ELOVL4: variants seen among roughly 807,000 people sequenced by gnomAD.
The protein encoded by ELOVL4 is ELOVL fatty acid elongase 4.
ELOVL4 carries 18 observed loss-of-function variants against 42.1 expected under a neutral mutation model. The ratio of observed to expected loss-of-function variants is 0.43; its 90% CI spans 0.30 to 0.63. The LOEUF is 0.63. Ranked by LOEUF, ELOVL4 falls within the 30% of genes least tolerant of loss-of-function variation. The pLI is 0.15. For missense variants in ELOVL4, 299 were observed against 376.2 expected (o/e 0.79, Z 1.70); for synonymous variants, 117 against 127.0 (o/e 0.92, Z 0.53).
At chr6:79,924,433 A>G (rs1020058087) in intron 3 of ELOVL4, among the ~76,000 whole-genome samples, 1 of 152,206 alleles carries the variant, frequency 6.6e-6, no homozygotes, top group South Asian at 2.1e-4. Flanking sequence ...CTCATGCTGC[A>G]AAATAAAAAA....
In ELOVL4 at chr6:79,916,702, T is replaced by C. The variant is rs2127697581; in HGVS notation, c.851A>G (p.Asn284Ser). The change falls in exon 6 of 6, where the codon AAT (asparagine) becomes AGT (serine). Residue 284 changes from asparagine (N) to serine (S), a missense_variant. Physicochemically the swap from Asn to Ser is conservative, Grantham distance 46 (BLOSUM62 1). Transcript: ENST00000369816. ...GCTCACACCATTTGCTGAAATACCA[T>C]TCATGGCTGTTTTTCCAGCTTTTGG... ...KKPKAGKTAM[N>S]GISANGVSKS... 6.2e-7 allele frequency: 1 copy of C among 1,614,192 alleles called. No individual in the cohort carries two copies. Among genetic ancestry groups the C allele is most frequent in the Admixed American group, 1.7e-5 (1 of 60,012 alleles).
At chr6:79,926,093 A>C in intron 2 of ELOVL4, 101 bp downstream of exon 2, 1 of 1,051,832 alleles carries the variant, frequency 9.5e-7, no homozygotes, top group East Asian at 2.6e-5. Flanking sequence ...AGTAGCTAAC[A>C]GTTATGTCTG....
intron 1 of ELOVL4, among the ~76,000 whole-genome samples, chr6:79,943,465 A>C (rs564023531): frequency 9.8e-5 from 15 of 152,292 alleles, no homozygotes; most frequent in African/African-American, 3.4e-4. Context: ...TCAAGGGTAG[A>C]GGGAAGTAAA....
rs1422602191 is a variant in ELOVL4 at position 79,916,500 on chromosome 6, G to C, written c.*108C>G. 4 of 1,309,886 alleles carry C rather than the reference G, an allele frequency of 3.1e-6. No individual in the cohort carries two copies. In the African/African-American group the frequency reaches 5.8e-5, roughly 19 times the overall value. The allele number at this position is 1,309,886 out of a possible 1,614,324, so 81.1% of individuals were successfully genotyped here. ...AGTTACTAGGACATAGAGCACATTTGTCTTTTCTCCCCACCCCCAAGCTCT... is the reference window on the plus strand; with the variant it reads ...AGTTACTAGGACATAGAGCACATTTCTCTTTTCTCCCCACCCCCAAGCTCT... On this transcript the variant is annotated 3_prime_UTR_variant, in exon 6 of 6. Coordinates refer to ENST00000369816, the MANE Select transcript of ELOVL4 (RefSeq NM_022726.4).
intron 1 of ELOVL4, among the ~76,000 whole-genome samples, chr6:79,931,657 C>T (rs1034191549): frequency 1.3e-5 from 2 of 152,098 alleles, no homozygotes; most frequent in African/African-American, 2.4e-5. Context: ...ATCATGAATG[C>T]TTCAAAGCCA....
At chr6:79,942,034 G>C (rs983146736) in intron 1 of ELOVL4, among the ~76,000 whole-genome samples, 7 of 152,226 alleles carry the variant, frequency 4.6e-5, no homozygotes, top group Admixed American at 4.6e-4. Flanking sequence ...CTTTGCAAAG[G>C]AGGACTATTG....
Position 79,926,405 on chromosome 6 carries a change from A to G in ELOVL4, c.101-24T>C, listed in dbSNP as rs144198896. 2.3e-3 allele frequency: 3,723 copies of G among 1,598,572 alleles called. 19 individuals are homozygous for G. Among genetic ancestry groups the G allele is most frequent in the East Asian group, 0.016 (721 of 44,582 alleles). On this transcript the variant is annotated intron_variant, in intron 1 of 5. Coordinates refer to ENST00000369816, the MANE Select transcript of ELOVL4 (RefSeq NM_022726.4). Reference sequence around the variant, plus strand: ...ATCTATAGAGAGAACAAAATACCATAAAATTCATTAATCAGTAAATGTTTT... The same window carrying G: ...ATCTATAGAGAGAACAAAATACCATGAAATTCATTAATCAGTAAATGTTTT...
At chr6:79,918,881 A>C (rs1774202931) in intron 5 of ELOVL4, among the ~76,000 whole-genome samples, 2 of 152,222 alleles carry the variant, frequency 1.3e-5, no homozygotes, top group African/African-American at 2.4e-5. Flanking sequence ...AGTGTTTTAG[A>C]GAATTACAAG....
chr6:79,944,069 C>T (rs778036348), intron 1 of ELOVL4, among the ~76,000 whole-genome samples: 1 of 152,086 alleles, frequency 6.6e-6, no homozygotes, highest in Admixed American at 6.5e-5. Flanking sequence ...CTGGCTTTAC[C>T]GTAAGCATCC....
At chr6:79,917,964 T>C (rs1359153361) in intron 5 of ELOVL4, among the ~76,000 whole-genome samples, 2 of 152,150 alleles carry the variant, frequency 1.3e-5, no homozygotes, top group East Asian at 3.8e-4. Context: ...TTCTGATGTA[T>C]CAATAAAAGA....
At chr6:79,928,603 G>A (rs1252528316) in intron 1 of ELOVL4, among the ~76,000 whole-genome samples, 1 of 151,380 alleles carries the variant, frequency 6.6e-6, no homozygotes, top group Non-Finnish European at 1.5e-5. Context: ...AGAAGCTGAA[G>A]ATCTTACAAT....
At chr6:79,936,874 T>C (rs952531298) in intron 1 of ELOVL4, among the ~76,000 whole-genome samples, 12 of 152,102 alleles carry the variant, frequency 7.9e-5, no homozygotes, top group African/African-American at 2.7e-4. Context: ...AGGTGGTGGG[T>C]GAAGAATAGC....
chr6:79,927,786 T>C (rs1774368712), intron 1 of ELOVL4, among the ~76,000 whole-genome samples: 1 of 152,172 alleles, frequency 6.6e-6, no homozygotes, highest in Non-Finnish European at 1.5e-5. Context: ...ATTTCATAGT[T>C]TTAAAAGGAG....
chr6:79,922,979 A>G lies in ELOVL4; in HGVS notation c.370-1183T>C, dbSNP rs1205237243. Among the ~76,000 whole-genome samples the G allele has an allele frequency of 2.6e-5, 4 of 152,228 alleles. No homozygotes were observed. The East Asian group carries it at 7.7e-4, about 29-fold the overall frequency. On this transcript the variant is annotated intron_variant, in intron 3 of 5. Transcript: ENST00000369816. ...ACTACTCCCAGCAACACTATAGTTA[A>G]TATTCACTATTATATTAGTTCTTTA... is the stretch of plus-strand genomic sequence containing the variant.
intron 4 of ELOVL4, among the ~76,000 whole-genome samples, chr6:79,920,199 A>G (rs2127698189): frequency 6.6e-6 from 1 of 152,292 alleles, no homozygotes; most frequent in East Asian, 1.9e-4. Context: ...CCCCAATAAT[A>G]TATGTATGAA....
intron 5 of ELOVL4, among the ~76,000 whole-genome samples, chr6:79,918,997 A>T (rs955213159): frequency 1.3e-5 from 2 of 152,234 alleles, no homozygotes; most frequent in Admixed American, 1.3e-4. Flanking sequence ...AAAGACTGAA[A>T]AATGAAATAA....
intron 1 of ELOVL4, among the ~76,000 whole-genome samples, chr6:79,938,515 G>C (rs542729748): frequency 6.6e-6 from 1 of 152,240 alleles, no homozygotes; most frequent in African/African-American, 2.4e-5. Context: ...CTTGTATTAT[G>C]CAATTTGGCA....
intron 1 of ELOVL4, among the ~76,000 whole-genome samples, chr6:79,931,129 C>T (rs983392723): frequency 1.3e-5 from 2 of 151,916 alleles, no homozygotes; most frequent in African/African-American, 2.4e-5. Context: ...TAAATGGACT[C>T]GTCAAATTTA....
intron 1 of ELOVL4, among the ~76,000 whole-genome samples, chr6:79,934,611 G>A (rs969464841): frequency 3.3e-5 from 5 of 152,024 alleles, no homozygotes; most frequent in African/African-American, 9.7e-5. Context: ...TGTCTTCCAG[G>A]ATTTTTCTTC....
Sources: allele counts gnomAD v4.1 joint callset (sites outside exome capture counted in the v4.1 genomes callset), GRCh38; gene constraint gnomAD v4.1.1; transcripts MANE v1.5; gene names NCBI Gene and HGNC (gene_info 2026-07-23, HGNC 2026-07-21).